TECR: variants seen among roughly 807,000 people sequenced by gnomAD.
TECR encodes very-long-chain enoyl-CoA reductase.
In TECR, 19 loss-of-function variants were observed where a neutral mutation model predicts 50.6. The ratio of observed to expected loss-of-function variants is 0.38; its 90% CI spans 0.26 to 0.55. The LOEUF (loss-of-function observed/expected upper bound fraction) is 0.55. Among genes scored for constraint, TECR ranks in the 20% least tolerant of loss-of-function variants. The pLI is 0.79. For missense variants in TECR, 313 were observed against 408.3 expected, an observed-to-expected ratio of 0.77 and a Z score of 2.01; for synonymous variants, 168 against 163.5, an observed-to-expected ratio of 1.03 and a Z score of -0.21.
chr19:14,541,224 G>A (rs1022129910), intron 1 of TECR, among the ~76,000 whole-genome samples: 1 of 152,174 alleles, frequency 6.6e-6, no homozygotes, highest in Non-Finnish European at 1.5e-5. Flanking sequence ...GTGATCTCCT[G>A]CCTCAGCCTC....
At chr19:14,547,118 A>T (rs79553685) in intron 1 of TECR, among the ~76,000 whole-genome samples, 32,599 of 151,962 alleles carry the variant, frequency 0.21, 5,013 homozygotes, top group African/African-American at 0.44. Flanking sequence ...AAGCAAAAAG[A>T]GAGCCAATGT....
At chr19:14,537,744 GTT>G (rs533380690) in intron 1 of TECR, among the ~76,000 whole-genome samples, 38,309 of 125,122 alleles carry the variant, frequency 0.31, 3,519 homozygotes, top group Middle Eastern at 0.38. Context: ...AATTATCAGT[GTT>G]TTTTTTTTTT....
At chr19:14,550,427 C>T (rs1047736361) in intron 1 of TECR, among the ~76,000 whole-genome samples, 3 of 152,062 alleles carry the variant, frequency 2.0e-5, no homozygotes, top group Non-Finnish European at 4.4e-5. Flanking sequence ...CGGATGAGCT[C>T]CTCCTGCTCC....
chr19:14,535,780 GA>G (rs2072878750), intron 1 of TECR, among the ~76,000 whole-genome samples: 1 of 114,712 alleles, frequency 8.7e-6, no homozygotes. Flanking sequence ...AAAAAAAAGG[GA>G]AAGTGGTGAG....
chr19:14,530,432 A>G (rs140614119), intron 1 of TECR: 11 of 152,284 alleles, frequency 7.2e-5, no homozygotes, highest in East Asian at 1.9e-4. Context: ...AATTCAACCA[A>G]TTATCCCTGA....
At chr19:14,533,189 G>A (rs2072736470) in intron 1 of TECR, among the ~76,000 whole-genome samples, 1 of 152,030 alleles carries the variant, frequency 6.6e-6, no homozygotes, top group Non-Finnish European at 1.5e-5. Context: ...GGGACACCAA[G>A]GTGGGCAAAT....
At chr19:14,544,672 C>G (rs1174513211) in intron 1 of TECR, among the ~76,000 whole-genome samples, 7 of 149,110 alleles carry the variant, frequency 4.7e-5, no homozygotes, top group Admixed American at 6.7e-5. Flanking sequence ...CTCACTCTGT[C>G]GCCCATGCTG....
Position 14,562,221 on chromosome 19 carries a change from C to T in TECR, c.16-304C>T, listed in dbSNP as rs572696380. On this transcript the variant is annotated intron_variant, in intron 1 of 12. Coordinates refer to ENST00000215567, the MANE Select transcript of TECR (RefSeq NM_138501.6). ...CTCGGGTTACATCTGGCACAGAAGT[C>T]GGCAGTGCCAGGGCCGGCACGGGCT... 7.4e-4 allele frequency: 444 copies of T among 601,672 alleles called. 1 individual carries two copies. In the East Asian group the frequency reaches 0.011, roughly 14 times the overall value. 37.3% of individuals were successfully genotyped at this position (601,672 alleles called of 1,614,324 possible).
chr19:14,547,497 A>T (rs2146592757), intron 1 of TECR, among the ~76,000 whole-genome samples: 1 of 152,196 alleles, frequency 6.6e-6, no homozygotes, highest in East Asian at 1.9e-4. Flanking sequence ...AGTAGCTGGG[A>T]CTACAGGCAT....
intron 1 of TECR, chr19:14,562,005 C>G: frequency 3.8e-6 from 1 of 262,380 alleles, no homozygotes. Flanking sequence ...GTTGTCATGC[C>G]TGCCCCTGGG....
chr19:14,552,659 C>T (rs930589357), intron 1 of TECR, among the ~76,000 whole-genome samples: 5 of 151,926 alleles, frequency 3.3e-5, no homozygotes, highest in South Asian at 2.1e-4. Context: ...CTCAGCCTCC[C>T]GAGTAGCTGG....
intron 1 of TECR, among the ~76,000 whole-genome samples, chr19:14,545,554 G>A (rs1054339717): frequency 2.0e-5 from 3 of 152,110 alleles, no homozygotes; most frequent in African/African-American, 4.8e-5. Flanking sequence ...GTCATATCCC[G>A]GCCCTTGGAT....
intron 1 of TECR, among the ~76,000 whole-genome samples, chr19:14,543,292 T>C (rs1282287099): frequency 3.1e-5 from 2 of 63,658 alleles, no homozygotes; most frequent in Non-Finnish European, 6.4e-5. Flanking sequence ...TTGCAGAGGG[T>C]GGGGTGGGGG....
intron 1 of TECR, among the ~76,000 whole-genome samples, chr19:14,535,577 T>A (rs1409079042): frequency 3.2e-5 from 1 of 31,082 alleles, no homozygotes; most frequent in Non-Finnish European, 7.1e-5. Flanking sequence ...TATATATATA[T>A]ATATATATAT....
chr19:14,563,780 C>A lies in TECR; in HGVS notation c.164-20C>A. 12 of 1,612,784 alleles carry A rather than the reference C, an allele frequency of 7.4e-6. No individual in the cohort carries two copies. Among genetic ancestry groups the A allele is most frequent in the Non-Finnish European group, 1.0e-5 (12 of 1,179,726 alleles). On this transcript the variant is annotated intron_variant, in intron 4 of 12. Transcript: ENST00000215567. This position sits in a 1 kb window ranked among gnomAD's most constrained non-coding sequence, Gnocchi z 5.3. The stretch of plus-strand genomic sequence containing the variant: ...GAGAAGGCCCGGGTAGCCCCTGAGC[C>A]CTGGCCCGCCTCTCTGCAGAGGGCA...
chr19:14,536,020 C>T (rs1854017450), intron 1 of TECR, among the ~76,000 whole-genome samples: 1 of 151,920 alleles, frequency 6.6e-6, no homozygotes, highest in Admixed American at 6.6e-5. Flanking sequence ...ATCTCAGAGC[C>T]CCAGGCTTGA....
chr19:14,564,917 C>T lies in TECR; in HGVS notation c.563-32C>T, dbSNP rs372027055. ...CGGTCCCCACCCAGCGGGTCCTCCC[C>T]TCATGGGCTCCCCTCCCTGCTTCCT... On this transcript the variant is annotated intron_variant, in intron 8 of 12. Coordinates refer to ENST00000215567, the MANE Select transcript of TECR (RefSeq NM_138501.6). 94 of 1,614,094 alleles carry T rather than the reference C, an allele frequency of 5.8e-5. No homozygotes were observed. In the African/African-American group the frequency reaches 1.1e-3, roughly 20 times the overall value.
intron 1 of TECR, among the ~76,000 whole-genome samples, chr19:14,549,477 C>T (rs922353228): frequency 6.6e-6 from 1 of 151,930 alleles, no homozygotes; most frequent in Non-Finnish European, 1.5e-5. Context: ...TCCTTGGCCC[C>T]CTAACCCGGC....
intron 1 of TECR, among the ~76,000 whole-genome samples, chr19:14,539,060 G>A (rs1179701025): frequency 2.1e-4 from 31 of 146,088 alleles, no homozygotes; most frequent in Admixed American, 1.2e-3. Context: ...TGCAATCTCC[G>A]CCTCCCGGGT....
Sources: gnomAD v4.1 joint callset for allele counts (sites outside exome capture counted in the v4.1 genomes callset) on GRCh38, gnomAD v4.1.1 for gene constraint, Gnocchi (gnomAD v3.1) non-coding constraint, MANE v1.5 for transcripts, NCBI Gene and HGNC (gene_info 2026-07-23, HGNC 2026-07-21) for gene names.